Variants in MPHOSPH8 observed in about 807,000 individuals in gnomAD.
MPHOSPH8 encodes M-phase phosphoprotein, mpp.
Under a neutral mutation model 87.3 loss-of-function variants are expected in MPHOSPH8, and 45 were observed. The ratio of observed to expected loss-of-function variants is 0.52; its 90% CI spans 0.41 to 0.66. MPHOSPH8 has a LOEUF of 0.66. MPHOSPH8 is among the 30% of genes least tolerant of loss of function. The pLI, the probability that MPHOSPH8 is intolerant of heterozygous loss-of-function variation, is 0.00. For synonymous variants in MPHOSPH8, 366 were observed against 376.9 expected, an observed-to-expected ratio of 0.97 and a Z score of 0.33; for missense variants, 883 against 1,020.2, an observed-to-expected ratio of 0.87 and a Z score of 1.83.
rs1876154127 is a variant in MPHOSPH8 at position 19,671,931 on chromosome 13, G to C, written c.*56G>C. On this transcript the variant is annotated 3_prime_UTR_variant, in exon 14 of 14. Transcript: ENST00000361479. ...TCAGACCGATTCCTATACTCTCTTT[G>C]ACAGCAGTTTGGAATTCTTCTAGCA... The C allele has an allele frequency of 1.3e-6, 2 of 1,558,928 alleles. No individual in the cohort carries two copies. Among genetic ancestry groups the C allele is most frequent in the Middle Eastern group, 3.3e-4 (2 of 5,972 alleles).
At chr13:19,669,484 A>G (rs1046991437) in intron 11 of MPHOSPH8, among the ~76,000 whole-genome samples, 1 of 148,850 alleles carries the variant, frequency 6.7e-6, no homozygotes, top group African/African-American at 2.5e-5. Flanking sequence ...CAGTTTTCTC[A>G]GCATGTGTAC....
intron 2 of MPHOSPH8, among the ~76,000 whole-genome samples, chr13:19,645,418 T>A (rs1206820148): frequency 6.6e-6 from 1 of 152,156 alleles, no homozygotes; most frequent in Non-Finnish European, 1.5e-5. Flanking sequence ...AGTGCCACCA[T>A]ATTCCCACTT....
At chr13:19,653,617 A>T (rs1207697347) in intron 5 of MPHOSPH8, among the ~76,000 whole-genome samples, 2 of 152,220 alleles carry the variant, frequency 1.3e-5, no homozygotes, top group Non-Finnish European at 2.9e-5. Flanking sequence ...CCTCTGAGCT[A>T]AAAGAGCATG....
intron 5 of MPHOSPH8, among the ~76,000 whole-genome samples, chr13:19,652,719 A>T (rs1874927279): frequency 6.6e-6 from 1 of 152,158 alleles, no homozygotes; most frequent in African/African-American, 2.4e-5. Flanking sequence ...GTCTGAGATC[A>T]ATCTGGGCCA....
intron 7 of MPHOSPH8, among the ~76,000 whole-genome samples, chr13:19,659,974 T>TTTTTTG (rs1191047742): frequency 2.1e-5 from 3 of 146,174 alleles, no homozygotes; most frequent in Non-Finnish European, 3.0e-5. Flanking sequence ...TTTTTTTTTT[T>TTTTTTG]TTTTTGAGAC....
At chr13:19,635,596 G>T (rs1469048238) in intron 1 of MPHOSPH8, among the ~76,000 whole-genome samples, 1 of 152,192 alleles carries the variant, frequency 6.6e-6, no homozygotes, top group Non-Finnish European at 1.5e-5. Flanking sequence ...CATTCATACA[G>T]TGTTTAATTT....
intron 2 of MPHOSPH8, 146 bp from the exon 3 acceptor site, chr13:19,646,297 C>T (rs1435263333): frequency 6.0e-6 from 4 of 662,090 alleles, no homozygotes; most frequent in Admixed American, 3.9e-5. Context: ...AGGTAGCATA[C>T]GATTTCAGCT....
At chr13:19,635,212 A>G (rs1873940687) in intron 1 of MPHOSPH8, among the ~76,000 whole-genome samples, 2 of 152,230 alleles carry the variant, frequency 1.3e-5, no homozygotes, top group Non-Finnish European at 2.9e-5. Context: ...CCTGGCACAC[A>G]GGAGGTATTT....
rs1290967491 is a variant in MPHOSPH8 at position 19,670,280 on chromosome 13, AAAG to A, written c.2378_2380del (p.Glu793del). On this transcript the variant is annotated inframe_deletion, in exon 12 of 14. Coordinates refer to ENST00000361479, the MANE Select transcript of MPHOSPH8 (RefSeq NM_017520.4). ...TATCTTCCATGCAAACTTTTTGGGT[AAAG>A]AAGTTATTGCTCGGCTCTGTGGACC... 52 of 1,613,990 alleles carry A rather than the reference AAAG, an allele frequency of 3.2e-5. No homozygotes were observed. The highest frequency in any genetic ancestry group is 4.4e-5 in the Non-Finnish European group (52 of 1,179,954).
At position 19,633,690 on chromosome 13, in the gene MPHOSPH8, G is replaced by T; in HGVS notation, c.-59G>T. On this transcript the variant is annotated 5_prime_UTR_variant, in exon 1 of 14. In the 5' UTR this introduces an upstream ATG that the reference lacks. Coordinates refer to ENST00000361479, the MANE Select transcript of MPHOSPH8 (RefSeq NM_017520.4). ...GAGTAGGGCCGAGCGCGGAACGCGA[G>T]GGGCTGCTGGGGTGTTTGTCGCAGC... 2.0e-6 allele frequency: 3 copies of T among 1,533,154 alleles called. No individual in the cohort carries two copies. The highest frequency in any genetic ancestry group is 2.7e-6 in the Non-Finnish European group (3 of 1,131,398). The allele number at this position is 1,533,154 out of a possible 1,614,324, so 95.0% of individuals were successfully genotyped here.
intron 1 of MPHOSPH8, among the ~76,000 whole-genome samples, chr13:19,640,542 C>CTTT (rs879353279): frequency 2.1e-5 from 3 of 142,272 alleles, no homozygotes; most frequent in South Asian, 4.5e-4. Flanking sequence ...AATGGCTTGC[C>CTTT]TTTTTTTTTT....
intron 13 of MPHOSPH8, 55 bp downstream of exon 13, chr13:19,671,344 A>T: frequency 3.3e-6 from 5 of 1,498,404 alleles, no homozygotes; most frequent in Non-Finnish European, 4.6e-6. Flanking sequence ...GCTCCAGATT[A>T]CTTTATCAAC....
chr13:19,640,772 CTTTA>C (rs1874244960), intron 1 of MPHOSPH8, among the ~76,000 whole-genome samples: 1 of 151,866 alleles, frequency 6.6e-6, no homozygotes, highest in Admixed American at 6.6e-5. Flanking sequence ...GATATTACAG[CTTTA>C]TTTATAAGTA....
chr13:19,659,324 A>C (rs766765171), intron 7 of MPHOSPH8, 35 bp downstream of exon 7: 1 of 1,452,396 alleles, frequency 6.9e-7, no homozygotes, highest in Admixed American at 1.9e-5. Context: ...TGAAAGGAAA[A>C]TGGAAAGTAA....
At position 19,646,480 on chromosome 13, in the gene MPHOSPH8, C is replaced by T. The variant is rs1874568941; in HGVS notation, c.407C>T (p.Ser136Phe). The T allele has an allele frequency of 1.3e-6, 2 of 1,547,746 alleles. No homozygotes were observed. The highest frequency in any genetic ancestry group is 1.4e-5 in the African/African-American group (1 of 71,624). Residue 136 changes from serine (S) to phenylalanine (F), a missense_variant, in exon 3 of 14, where the codon TCT (serine) becomes TTT (phenylalanine). Physicochemically the swap from Ser to Phe is radical, Grantham distance 155. Transcript: ENST00000361479. Reference protein sequence around the residue: ...SLNNDIFEANSDSDQQSETKE... With the variant: ...SLNNDIFEANFDSDQQSETKE... ...AATAACGACATATTTGAGGCGAACTCTGATAGCGATCAGCAAAGTGAGACA... is the reference window on the plus strand; with the variant it reads ...AATAACGACATATTTGAGGCGAACTTTGATAGCGATCAGCAAAGTGAGACA...
intron 5 of MPHOSPH8, among the ~76,000 whole-genome samples, chr13:19,653,608 C>T (rs1488429042): frequency 6.6e-6 from 1 of 152,182 alleles, no homozygotes; most frequent in Non-Finnish European, 1.5e-5. Context: ...TAATAAACTC[C>T]TCTGAGCTAA....
intron 5 of MPHOSPH8, among the ~76,000 whole-genome samples, chr13:19,652,026 CAGGAGGCAGAGGT>C (rs1346214756): frequency 6.6e-5 from 10 of 152,058 alleles, no homozygotes; most frequent in African/African-American, 2.4e-4. Context: ...CGCTTGAACC[CAGGAGGCAGAGGT>C]TGTGGTGAGC....
chr13:19,666,061 C>T (rs959666145), intron 9 of MPHOSPH8, among the ~76,000 whole-genome samples: 4 of 152,184 alleles, frequency 2.6e-5, no homozygotes, highest in East Asian at 3.9e-4. Flanking sequence ...CGGGGGACAG[C>T]GTGGCATGGA....
rs1269148563 is a variant in MPHOSPH8, at chr13:19,672,962, G to A, written c.*1087G>A. 1.5e-5 allele frequency: 6 copies of A among 396,894 alleles called. No homozygotes were observed. In the East Asian group the frequency reaches 4.2e-4, roughly 28 times the overall value. The allele number at this position is 396,894 out of a possible 1,614,324, so 24.6% of individuals were successfully genotyped here. A position where few individuals can be genotyped will look rare whatever the true frequency, so the allele number is the denominator to read the frequency against. On this transcript the variant is annotated 3_prime_UTR_variant, in exon 14 of 14. Transcript: ENST00000361479. ...TCCCAGATACTCAGGAGGCTGAGGTGAAAGGATTGCTTGAGCCAGGGAGGT... is the reference window on the plus strand; with the variant it reads ...TCCCAGATACTCAGGAGGCTGAGGTAAAAGGATTGCTTGAGCCAGGGAGGT...
Sources: gnomAD v4.1 joint callset for allele counts (sites outside exome capture counted in the v4.1 genomes callset) on GRCh38, gnomAD v4.1.1 for gene constraint, MANE v1.5 for transcripts, NCBI Gene and HGNC (gene_info 2026-07-23, HGNC 2026-07-21) for gene names.